Variants in DOK6 observed in about 807,000 individuals in gnomAD.
DOK6 encodes the protein docking protein 6.
Under a neutral mutation model 44.0 loss-of-function variants are expected in DOK6, and 22 were observed. The ratio of observed to expected loss-of-function variants is 0.50; its 90% confidence interval spans 0.36 to 0.71. The LOEUF (loss-of-function observed/expected upper bound fraction) is 0.71, where lower values mean the gene tolerates loss of function less well. Among genes scored for constraint, DOK6 ranks in the 30% least tolerant of loss-of-function variants. The pLI, the probability that DOK6 is intolerant of heterozygous loss-of-function variation, is 0.00. For missense variants in DOK6, 340 were observed against 416.4 expected (o/e 0.82, Z 1.60); for synonymous variants, 166 against 145.5 (o/e 1.14, Z -1.01).
intron 3 of DOK6, among the ~76,000 whole-genome samples, chr18:69,643,361 G>A (rs1044002943): frequency 6.6e-6 from 1 of 152,174 alleles, no homozygotes; most frequent in Non-Finnish European, 1.5e-5. Flanking sequence ...ACACAGCCAA[G>A]ATACTGAACA....
chr18:69,760,560 G>A (rs927415727), intron 7 of DOK6, among the ~76,000 whole-genome samples: 1 of 152,136 alleles, frequency 6.6e-6, no homozygotes, highest in Admixed American at 6.6e-5. Context: ...CAGGCGCCCT[G>A]AGAAACCAAG....
intron 7 of DOK6, among the ~76,000 whole-genome samples, chr18:69,768,967 G>GTGTGTGTGTGTGTGTA (rs1228692354): frequency 6.6e-6 from 1 of 151,604 alleles, no homozygotes; most frequent in Non-Finnish European, 1.5e-5. Flanking sequence ...GTGTGTGTGT[G>GTGTGTGTGTGTGTGTA]TGTGTGTGTG....
chr18:69,476,131 C>A (rs73468821), intron 1 of DOK6, among the ~76,000 whole-genome samples: 1,672 of 152,240 alleles, frequency 0.011, 36 homozygotes, highest in African/African-American at 0.039. Context: ...CACTTCCTTA[C>A]AAGTGAGAAC....
In DOK6 at chr18:69,798,533, T is replaced by A. The variant is rs183260766; in HGVS notation, c.856+40660T>A. On this transcript the variant is annotated intron_variant, in intron 7 of 7. Transcript: ENST00000382713. ...CAGTTTATCTACTGTTAAATTTTTT[T>A]AATTTTAATCAGCTGTATTTATTGT... is the stretch of plus-strand genomic sequence containing the variant. 2.6e-4 allele frequency among the ~76,000 whole-genome samples: 39 copies of A among 152,228 alleles called. No homozygotes were observed. The East Asian group carries it at 3.7e-3, about 14-fold the overall frequency.
At chr18:69,588,012 T>A (rs552136059) in intron 2 of DOK6, among the ~76,000 whole-genome samples, 11 of 152,334 alleles carry the variant, frequency 7.2e-5, no homozygotes, top group African/African-American at 2.6e-4. Context: ...TGTAATAACT[T>A]CTTGTTTTAG....
chr18:69,530,755 A>G (rs1049344326), intron 1 of DOK6, among the ~76,000 whole-genome samples: 7 of 152,098 alleles, frequency 4.6e-5, no homozygotes, highest in Non-Finnish European at 1.0e-4. Flanking sequence ...TTTGGGGTGG[A>G]GAGTTCTGTA....
intron 7 of DOK6, among the ~76,000 whole-genome samples, chr18:69,821,069 A>C (rs998103181): frequency 6.6e-5 from 10 of 152,196 alleles, no homozygotes. Context: ...TTTTTAAAAA[A>C]TATTCATTGT....
intron 7 of DOK6, among the ~76,000 whole-genome samples, chr18:69,812,279 C>T (rs17081656): frequency 6.6e-6 from 1 of 152,088 alleles, no homozygotes; most frequent in East Asian, 1.9e-4. Context: ...TTGCAAGATA[C>T]TTTTACCCTG....
intron 3 of DOK6, among the ~76,000 whole-genome samples, chr18:69,640,145 G>A (rs148492661): frequency 2.4e-4 from 37 of 152,324 alleles, no homozygotes; most frequent in Non-Finnish European, 5.9e-5. Flanking sequence ...TCTCCACACT[G>A]CCCAGGATGG....
intron 1 of DOK6, among the ~76,000 whole-genome samples, chr18:69,542,652 T>G (rs1036328265): frequency 2.6e-5 from 4 of 151,568 alleles, no homozygotes; most frequent in Admixed American, 2.6e-4. Flanking sequence ...CACCATGTAC[T>G]TTTTGCAGTT....
intron 7 of DOK6, among the ~76,000 whole-genome samples, chr18:69,773,502 G>T (rs1979949826): frequency 6.6e-6 from 1 of 151,930 alleles, no homozygotes; most frequent in Non-Finnish European, 1.5e-5. Context: ...ATATTATTCA[G>T]CCTCAAAAAA....
At chr18:69,750,950 T>G (rs1278479201) in intron 6 of DOK6, among the ~76,000 whole-genome samples, 1 of 152,078 alleles carries the variant, frequency 6.6e-6, no homozygotes, top group African/African-American at 2.4e-5. Flanking sequence ...AAACTGACAT[T>G]TGCAGCAACA....
chr18:69,645,169 C>G (rs77298111), intron 3 of DOK6, among the ~76,000 whole-genome samples: 3 of 152,044 alleles, frequency 2.0e-5, no homozygotes, highest in Admixed American at 6.6e-5. Context: ...CCATTTATCA[C>G]GTGTGTGGAT....
At chr18:69,411,449 C>T (rs1978305594) in intron 1 of DOK6, among the ~76,000 whole-genome samples, 1 of 152,054 alleles carries the variant, frequency 6.6e-6, no homozygotes. Flanking sequence ...TGTATGCTTC[C>T]ACAGGCTAGC....
At chr18:69,496,595 G>A (rs4516325) in intron 1 of DOK6, among the ~76,000 whole-genome samples, 120,358 of 152,246 alleles carry the variant, frequency 0.79, 47,784 homozygotes, top group African/African-American at 0.83. Flanking sequence ...TGTTTTTTCT[G>A]TCTTTTTTCT....
At chr18:69,589,844 G>A (rs539180476) in intron 2 of DOK6, among the ~76,000 whole-genome samples, 12 of 152,228 alleles carry the variant, frequency 7.9e-5, no homozygotes, top group African/African-American at 2.9e-4. Flanking sequence ...CTTAACTGGA[G>A]AAAATATCGC....
At chr18:69,524,834 G>T (rs893579865) in intron 1 of DOK6, among the ~76,000 whole-genome samples, 1 of 151,792 alleles carries the variant, frequency 6.6e-6, no homozygotes, top group African/African-American at 2.4e-5. Flanking sequence ...TTATAGAAAA[G>T]AAATAGGGAG....
At chr18:69,494,104 A>G (rs1023034146) in intron 1 of DOK6, among the ~76,000 whole-genome samples, 2 of 152,230 alleles carry the variant, frequency 1.3e-5, no homozygotes, top group African/African-American at 2.4e-5. Context: ...CAAATATAAA[A>G]GTATTTTTTG....
At chr18:69,672,014 G>A (rs1985810047) in intron 3 of DOK6, among the ~76,000 whole-genome samples, 1 of 152,122 alleles carries the variant, frequency 6.6e-6, no homozygotes, top group African/African-American at 2.4e-5. Context: ...ATATTTAGGG[G>A]CTATGATAAA....
Sources: gnomAD v4.1 joint callset for allele counts (sites outside exome capture counted in the v4.1 genomes callset) on GRCh38, gnomAD v4.1.1 for gene constraint, MANE v1.5 for transcripts, NCBI Gene and HGNC (gene_info 2026-07-23, HGNC 2026-07-21) for gene names.